The following DLG2 variants were observed in gnomAD, a reference collection of about 807,000 sequenced individuals.
DLG2 encodes discs large MAGUK scaffold protein 2, also known as disks large homolog 2.
Under a neutral mutation model 132.5 loss-of-function variants are expected in DLG2, and 45 were observed. That is an observed-to-expected ratio of 0.34 (90% confidence interval 0.27 to 0.44). DLG2 has a LOEUF of 0.44. Among genes scored for constraint, DLG2 ranks in the 20% least tolerant of loss-of-function variants. The pLI is 1.00. For synonymous variants in DLG2, 424 were observed against 419.6 expected, an observed-to-expected ratio of 1.01 and a Z score of -0.13; for missense variants, 1,045 against 1,196.9, an observed-to-expected ratio of 0.87 and a Z score of 1.87.
chr11:83,584,316 G>A (rs760827105), intron 19 of DLG2, among the ~76,000 whole-genome samples: 3 of 152,136 alleles, frequency 2.0e-5, no homozygotes, highest in Admixed American at 6.5e-5. Flanking sequence ...AAATATGTTC[G>A]GTAATGTTTG....
At chr11:85,321,820 T>C (rs1038471734) in intron 3 of DLG2, among the ~76,000 whole-genome samples, 1 of 152,012 alleles carries the variant, frequency 6.6e-6, no homozygotes, top group African/African-American at 2.4e-5. Flanking sequence ...ACAGGTTTAG[T>C]GACGTGGTCA....
At chr11:84,848,481 G>A (rs1042566214) in intron 6 of DLG2, among the ~76,000 whole-genome samples, 5 of 152,166 alleles carry the variant, frequency 3.3e-5, no homozygotes, top group African/African-American at 1.2e-4. Flanking sequence ...TCGACAGAGT[G>A]AGACTCCATC....
chr11:83,587,196 A>C (rs961977692), intron 19 of DLG2, among the ~76,000 whole-genome samples: 3 of 152,052 alleles, frequency 2.0e-5, no homozygotes, highest in African/African-American at 7.2e-5. Context: ...AGTTTTTTTT[A>C]AATTATCTTT....
intron 3 of DLG2, among the ~76,000 whole-genome samples, chr11:85,377,909 A>G (rs191070764): frequency 6.6e-6 from 1 of 151,546 alleles, no homozygotes; most frequent in East Asian, 1.9e-4. Context: ...ATACATATAT[A>G]TATACACATA....
intron 3 of DLG2, among the ~76,000 whole-genome samples, chr11:85,494,613 T>C (rs934029517): frequency 9.2e-5 from 14 of 152,074 alleles, no homozygotes; most frequent in African/African-American, 3.4e-4. Flanking sequence ...CATAAGCTTA[T>C]AAAATACTCT....
In DLG2 at chr11:84,674,026, T is replaced by G. The variant is rs374947729; in HGVS notation, c.358-139295A>C. ...TCAGTTTATAAGAGGTGCAGAATAA[T>G]GGCACAAAACTCACATAATGTAGGG... is the stretch of plus-strand genomic sequence containing the variant. On this transcript the variant is annotated intron_variant, in intron 6 of 27. Coordinates refer to ENST00000376104, the MANE Select transcript of DLG2 (RefSeq NM_001142699.3). Among the ~76,000 whole-genome samples the G allele has an allele frequency of 2.6e-5, 4 of 152,182 alleles. No individual in the cohort carries two copies. The South Asian group carries it at 8.3e-4, about 31-fold the overall frequency.
At chr11:84,859,052 C>T (rs181734936) in intron 6 of DLG2, among the ~76,000 whole-genome samples, 99 of 151,808 alleles carry the variant, frequency 6.5e-4, no homozygotes, top group African/African-American at 2.2e-3. Flanking sequence ...TACACGTCTA[C>T]GAAATGAGTT....
intron 21 of DLG2, among the ~76,000 whole-genome samples, chr11:83,509,667 G>C (rs1331664571): frequency 6.6e-6 from 1 of 152,112 alleles, no homozygotes; most frequent in African/African-American, 2.4e-5. Flanking sequence ...TTGTGAGTTA[G>C]TGTATGTTGT....
chr11:83,942,200 C>T (rs2082808680), intron 14 of DLG2, among the ~76,000 whole-genome samples: 1 of 151,740 alleles, frequency 6.6e-6, no homozygotes, highest in Non-Finnish European at 1.5e-5. Flanking sequence ...AAAAAGACAG[C>T]CACAAGATAT....
At chr11:84,654,777 T>G (rs1054175479) in intron 6 of DLG2, among the ~76,000 whole-genome samples, 5 of 152,186 alleles carry the variant, frequency 3.3e-5, no homozygotes, top group African/African-American at 1.2e-4. Context: ...TTCATTCCCT[T>G]ACTTTAGTAG....
chr11:85,002,058 AT>A (rs2058266834), intron 6 of DLG2, among the ~76,000 whole-genome samples: 1 of 152,168 alleles, frequency 6.6e-6, no homozygotes, highest in African/African-American at 2.4e-5. Context: ...ACAGTGCTTT[AT>A]TAAGGTGATT....
intron 19 of DLG2, among the ~76,000 whole-genome samples, chr11:83,582,998 T>G (rs2145012581): frequency 6.6e-6 from 1 of 152,318 alleles, no homozygotes. Context: ...ATAAAATGTA[T>G]AAGAGCAGGG....
At chr11:85,073,882 GTGGTATATATACACCA>G (rs1375616697) in intron 6 of DLG2, among the ~76,000 whole-genome samples, 1 of 151,826 alleles carries the variant, frequency 6.6e-6, no homozygotes, top group Non-Finnish European at 1.5e-5. Context: ...TAAAGAATCT[GTGGTATATATACACCA>G]TGGAGTACTA....
At chr11:84,263,372 T>C (rs1008183966) in intron 7 of DLG2, among the ~76,000 whole-genome samples, 6 of 152,206 alleles carry the variant, frequency 3.9e-5, no homozygotes, top group African/African-American at 1.4e-4. Flanking sequence ...GGAACAATTA[T>C]AGAAATTGGT....
chr11:84,475,101 C>A (rs1352943736), intron 7 of DLG2, among the ~76,000 whole-genome samples: 2 of 152,122 alleles, frequency 1.3e-5, no homozygotes, highest in Non-Finnish European at 2.9e-5. Flanking sequence ...GCTGATAGCA[C>A]ATGTTGAGCT....
intron 22 of DLG2, chr11:83,480,640 A>C: frequency 6.4e-7 from 1 of 1,554,676 alleles, no homozygotes; most frequent in Non-Finnish European, 8.7e-7. Flanking sequence ...TTAGCAAATG[A>C]AGAAAGTATC....
At chr11:84,788,419 A>T (rs893119920) in intron 6 of DLG2, among the ~76,000 whole-genome samples, 1 of 152,130 alleles carries the variant, frequency 6.6e-6, no homozygotes, top group Non-Finnish European at 1.5e-5. Context: ...TGTCTCTGTC[A>T]CTGCGACCTA....
At chr11:83,849,073 T>C (rs938805033) in intron 16 of DLG2, among the ~76,000 whole-genome samples, 1 of 152,192 alleles carries the variant, frequency 6.6e-6, no homozygotes, top group Non-Finnish European at 1.5e-5. Context: ...TCCTCTGCAG[T>C]AGTTAATTAC....
intron 19 of DLG2, among the ~76,000 whole-genome samples, chr11:83,577,448 G>C (rs569867115): frequency 1.5e-5 from 2 of 129,332 alleles, no homozygotes; most frequent in South Asian, 2.3e-4. Context: ...GTTTATATAG[G>C]AACTAATAGG....
Sources: gnomAD v4.1 joint callset for allele counts (sites outside exome capture counted in the v4.1 genomes callset) on GRCh38, gnomAD v4.1.1 for gene constraint, MANE v1.5 for transcripts, NCBI Gene and HGNC (gene_info 2026-07-23, HGNC 2026-07-21) for gene names.